STMND1: variants seen among roughly 807,000 people sequenced by gnomAD.
The protein encoded by STMND1 is stathmin domain-containing protein 1.
Under a neutral mutation model 23.0 loss-of-function variants are expected in STMND1, and 17 were observed. The ratio of observed to expected loss-of-function variants is 0.74; its 90% confidence interval spans 0.51 to 1.11. The LOEUF is 1.11. Among genes scored for constraint, STMND1 ranks in the 50% least tolerant of loss-of-function variants. The pLI is 0.00. For synonymous variants in STMND1, 114 were observed against 119.9 expected (o/e 0.95, Z 0.32); for missense variants, 305 against 329.1 (o/e 0.93, Z 0.57).
intron 1 of STMND1, among the ~76,000 whole-genome samples, chr6:17,104,771 C>A (rs1760996076): frequency 6.6e-6 from 1 of 152,156 alleles, no homozygotes; most frequent in Non-Finnish European, 1.5e-5. Flanking sequence ...CACATAAACC[C>A]ATGGTCAAGA....
chr6:17,107,019 T>C (rs954414508), intron 1 of STMND1, among the ~76,000 whole-genome samples: 1 of 152,150 alleles, frequency 6.6e-6, no homozygotes, highest in African/African-American at 2.4e-5. Context: ...CCTGCACAAT[T>C]TTTTCCTAAT....
At chr6:17,117,068 T>C (rs1561923792) in intron 2 of STMND1, among the ~76,000 whole-genome samples, 1 of 151,982 alleles carries the variant, frequency 6.6e-6, no homozygotes, top group Non-Finnish European at 1.5e-5. Context: ...AATTACCTTT[T>C]TTTTGTTTGT....
At chr6:17,106,644 A>G (rs1346996341) in intron 1 of STMND1, among the ~76,000 whole-genome samples, 2 of 152,174 alleles carry the variant, frequency 1.3e-5, no homozygotes, top group Non-Finnish European at 2.9e-5. Context: ...CTCTATAACT[A>G]TTGGAATAAT....
intron 1 of STMND1, among the ~76,000 whole-genome samples, chr6:17,104,592 AT>A (rs1164647717): frequency 1.3e-5 from 2 of 152,134 alleles, no homozygotes; most frequent in East Asian, 1.9e-4. Context: ...TCTCGCTTGG[AT>A]TTTTGTGCAA....
Position 17,120,636 on chromosome 6 carries a change from C to T in STMND1, c.289C>T (p.Pro97Ser), listed in dbSNP as rs1196390381. 6.5e-7 allele frequency: 1 copy of T among 1,531,150 alleles called. No homozygotes were observed. Among genetic ancestry groups the T allele is most frequent in the South Asian group, 1.2e-5 (1 of 83,262 alleles). The allele number at this position is 1,531,150 out of a possible 1,614,324, so 94.8% of individuals were successfully genotyped here. A position where few individuals can be genotyped will look rare whatever the true frequency, so the allele number is the denominator to read the frequency against. ...AGTGACCAATGGATTAATCAATAAA[C>T]CCCAATCCCTAGAGAGTCGAGAGCG... Reference protein sequence around the residue: ...DLVTNGLINKPQSLESRERQK... With the variant: ...DLVTNGLINKSQSLESRERQK... The change falls in exon 3 of 5, where the codon CCC (proline) becomes TCC (serine). Residue 97 changes from proline (P) to serine (S), a missense_variant. By Grantham distance (74) the Pro-to-Ser change is moderately conservative. Coordinates refer to ENST00000536551, the MANE Select transcript of STMND1 (RefSeq NM_001190766.2).
intron 1 of STMND1, among the ~76,000 whole-genome samples, chr6:17,112,701 C>G (rs921395691): frequency 6.6e-6 from 1 of 151,938 alleles, no homozygotes; most frequent in African/African-American, 2.4e-5. Context: ...GGCGTGAACC[C>G]GGGAGGCAGA....
intron 1 of STMND1, among the ~76,000 whole-genome samples, chr6:17,104,428 T>G (rs901344760): frequency 2.0e-5 from 3 of 152,200 alleles, no homozygotes; most frequent in Non-Finnish European, 2.9e-5. Context: ...TGGTTACTGC[T>G]AAAACTAATT....
chr6:17,105,835 G>A (rs1017953173), intron 1 of STMND1, among the ~76,000 whole-genome samples: 2 of 151,608 alleles, frequency 1.3e-5, no homozygotes. Context: ...TGAGGCAGGA[G>A]AATGGCATGA....
At chr6:17,124,351 A>G (rs984627697) in intron 3 of STMND1, among the ~76,000 whole-genome samples, 3 of 152,264 alleles carry the variant, frequency 2.0e-5, no homozygotes, top group African/African-American at 7.2e-5. Context: ...ATGTGGGCCA[A>G]TAGTATATTT....
chr6:17,103,445 G>A (rs185718302), intron 1 of STMND1, among the ~76,000 whole-genome samples: 23 of 152,144 alleles, frequency 1.5e-4, no homozygotes, highest in African/African-American at 5.1e-4. Flanking sequence ...AGTGAAGGCT[G>A]ACTCCACATT....
intron 1 of STMND1, among the ~76,000 whole-genome samples, chr6:17,102,697 G>A (rs2113467777): frequency 6.6e-6 from 1 of 152,322 alleles, no homozygotes; most frequent in African/African-American, 2.4e-5. Context: ...CACAGAGCTA[G>A]TGTTGACCGT....
In STMND1 at chr6:17,130,951, A is replaced by G. The variant is rs1761384766; in HGVS notation, c.*70A>G. On this transcript the variant is annotated 3_prime_UTR_variant, in exon 5 of 5. Coordinates refer to ENST00000536551, the MANE Select transcript of STMND1 (RefSeq NM_001190766.2). ...TTGTGACATTTGTAGTATGTCTCAT[A>G]TTCTTTGACTGACTGACCTCATTCC... 1 of 1,372,566 alleles carries G rather than the reference A, an allele frequency of 7.3e-7. No homozygotes were observed. Among genetic ancestry groups the G allele is most frequent in the African/African-American group, 1.4e-5 (1 of 69,038 alleles). 85.0% of individuals were successfully genotyped at this position (1,372,566 alleles called of 1,614,324 possible).
intron 1 of STMND1, among the ~76,000 whole-genome samples, chr6:17,105,869 G>A (rs1761017672): frequency 6.6e-6 from 1 of 152,118 alleles, no homozygotes; most frequent in Admixed American, 6.6e-5. Flanking sequence ...AACTTGCAGT[G>A]AGCCAAGATG....
chr6:17,112,165 G>A (rs1033142170), intron 1 of STMND1, among the ~76,000 whole-genome samples: 1 of 152,068 alleles, frequency 6.6e-6, no homozygotes, highest in African/African-American at 2.4e-5. Flanking sequence ...CCCACCCTAA[G>A]CAATCAATAA....
chr6:17,109,036 G>A (rs572682739), intron 1 of STMND1, among the ~76,000 whole-genome samples: 2 of 152,140 alleles, frequency 1.3e-5, no homozygotes, highest in South Asian at 4.2e-4. Context: ...TATGTTACAT[G>A]TAATATGTTG....
At chr6:17,125,811 A>T (rs1392233545) in intron 3 of STMND1, among the ~76,000 whole-genome samples, 1 of 152,068 alleles carries the variant, frequency 6.6e-6, no homozygotes, top group Non-Finnish European at 1.5e-5. Flanking sequence ...GTTAATTAAG[A>T]AAGCTCTGAG....
intron 3 of STMND1, among the ~76,000 whole-genome samples, chr6:17,126,070 AT>A (rs1189845838): frequency 2.3e-3 from 46 of 20,428 alleles, no homozygotes; most frequent in East Asian, 5.4e-3. Context: ...ATATATATAT[AT>A]TTTTTTTTTT....
At chr6:17,114,091 A>G (rs890138670) in intron 1 of STMND1, among the ~76,000 whole-genome samples, 1 of 152,150 alleles carries the variant, frequency 6.6e-6, no homozygotes, top group African/African-American at 2.4e-5. Flanking sequence ...CTACAGCATT[A>G]CATCTATTGT....
chr6:17,121,968 T>C lies in STMND1; in HGVS notation c.411+1210T>C, dbSNP rs1267109180. On this transcript the variant is annotated intron_variant, in intron 3 of 4. Transcript: ENST00000536551. ...ACCTCTGCCTCCTGGGTTCAAGCGA[T>C]TCTCCTGCCTCAGCCTCCTAGGCAG... Among the ~76,000 whole-genome samples the C allele has an allele frequency of 2.0e-5, 3 of 152,062 alleles. No homozygotes were observed. In the East Asian group the frequency reaches 5.8e-4, roughly 29 times the overall value.
Sources: allele counts gnomAD v4.1 joint callset (sites outside exome capture counted in the v4.1 genomes callset), GRCh38; gene constraint gnomAD v4.1.1; transcripts MANE v1.5; gene names NCBI Gene and HGNC (gene_info 2026-07-23, HGNC 2026-07-21).